The following VTI1A variants were observed in gnomAD, a reference collection of about 807,000 sequenced individuals.
VTI1A encodes the protein vesicle transport through interaction with t-SNAREs 1A.
A neutral mutation model predicts 34.9 loss-of-function variants in VTI1A; 22 were observed. The observed-to-expected ratio is 0.63, with a 90% CI of 0.45 to 0.90. VTI1A has a LOEUF of 0.90. Among genes scored for constraint, VTI1A ranks in the 40% least tolerant of loss-of-function variants. The pLI is 0.00. For missense variants in VTI1A, 268 were observed against 275.6 expected, an observed-to-expected ratio of 0.97 and a Z score of 0.20; for synonymous variants, 87 against 97.3, an observed-to-expected ratio of 0.89 and a Z score of 0.62.
intron 7 of VTI1A, among the ~76,000 whole-genome samples, chr10:112,800,107 T>G (rs1323710328): frequency 6.6e-6 from 1 of 152,166 alleles, no homozygotes; most frequent in African/African-American, 2.4e-5. Context: ...AATAAATGAC[T>G]ATTAAGTGGT....
At chr10:112,753,656 C>A (rs911480735) in intron 7 of VTI1A, among the ~76,000 whole-genome samples, 2 of 152,124 alleles carry the variant, frequency 1.3e-5, no homozygotes, top group African/African-American at 2.4e-5. Context: ...AGAGACTATG[C>A]AAGAGCAAAA....
At chr10:112,743,732 G>C (rs1165266002) in intron 7 of VTI1A, among the ~76,000 whole-genome samples, 1 of 152,150 alleles carries the variant, frequency 6.6e-6, no homozygotes, top group African/African-American at 2.4e-5. Flanking sequence ...AGAAGTTTCT[G>C]CTGTGTCTCC....
At chr10:112,682,798 T>C (rs1018337995) in intron 7 of VTI1A, among the ~76,000 whole-genome samples, 2 of 152,134 alleles carry the variant, frequency 1.3e-5, no homozygotes, top group Non-Finnish European at 2.9e-5. Flanking sequence ...GGGGAATAAA[T>C]ATTGTAGAAT....
intron 5 of VTI1A, among the ~76,000 whole-genome samples, chr10:112,558,986 A>G (rs1851627462): frequency 1.3e-5 from 2 of 152,222 alleles, no homozygotes; most frequent in African/African-American, 4.8e-5. Flanking sequence ...GAAGAAAAAA[A>G]AAGTGTTTCT....
chr10:112,563,500 A>G (rs1024328324), intron 5 of VTI1A, among the ~76,000 whole-genome samples: 1 of 152,182 alleles, frequency 6.6e-6, no homozygotes, highest in African/African-American at 2.4e-5. Context: ...TGTTCTTCCC[A>G]TAGGTCCTCT....
At chr10:112,710,263 A>T (rs948712257) in intron 7 of VTI1A, among the ~76,000 whole-genome samples, 5 of 143,216 alleles carry the variant, frequency 3.5e-5, no homozygotes, top group Non-Finnish European at 1.5e-5. Context: ...GCTGGAGTGC[A>T]TTGGCATGCT....
intron 3 of VTI1A, among the ~76,000 whole-genome samples, chr10:112,513,457 A>C (rs1399794020): frequency 6.6e-6 from 1 of 152,086 alleles, no homozygotes; most frequent in Admixed American, 6.5e-5. Flanking sequence ...AGGGTTTTCT[A>C]TATATAAGGT....
chr10:112,814,377 G>A (rs1255651749), intron 7 of VTI1A, among the ~76,000 whole-genome samples: 1 of 152,228 alleles, frequency 6.6e-6, no homozygotes, highest in Non-Finnish European at 1.5e-5. Flanking sequence ...TTTCCGTGCA[G>A]CTCTGTGAGA....
At chr10:112,752,454 T>A (rs1201604081) in intron 7 of VTI1A, 2 of 985,454 alleles carry the variant, frequency 2.0e-6, no homozygotes, top group South Asian at 9.4e-5. Flanking sequence ...AAAGAATAGC[T>A]TGGAGATTTC....
At chr10:112,712,187 C>T (rs1384450872) in intron 7 of VTI1A, among the ~76,000 whole-genome samples, 2 of 152,162 alleles carry the variant, frequency 1.3e-5, no homozygotes, top group Non-Finnish European at 2.9e-5. Flanking sequence ...TCTTCTCACC[C>T]TTCCTCCCAG....
At chr10:112,839,261 G>A in the VTI1A span, among the ~76,000 whole-genome samples, 8,198 of 152,210 alleles carry the variant, frequency 0.054, 759 homozygotes, top group African/African-American at 0.18. Context: ...CTGACAACCC[G>A]CAAGCAATCG....
At chr10:112,539,515 T>C (rs978632876) in intron 5 of VTI1A, among the ~76,000 whole-genome samples, 5 of 152,230 alleles carry the variant, frequency 3.3e-5, no homozygotes, top group Non-Finnish European at 4.4e-5. Flanking sequence ...ATAGATTGGC[T>C]TTCTGCCCGG....
At chr10:112,813,447 A>G (rs1484490638) in intron 7 of VTI1A, among the ~76,000 whole-genome samples, 1 of 152,166 alleles carries the variant, frequency 6.6e-6, no homozygotes, top group African/African-American at 2.4e-5. Flanking sequence ...CTGAGTTTCA[A>G]TTTTGCTGAT....
intron 1 of VTI1A, among the ~76,000 whole-genome samples, chr10:112,459,212 T>G (rs1847646055): frequency 6.6e-6 from 1 of 152,230 alleles, no homozygotes; most frequent in Non-Finnish European, 1.5e-5. Flanking sequence ...ATTTCAGTTA[T>G]TTCAAGCCAG....
chr10:112,764,504 G>A (rs1851583756), intron 7 of VTI1A, among the ~76,000 whole-genome samples: 1 of 150,804 alleles, frequency 6.6e-6, no homozygotes, highest in South Asian at 2.1e-4. Flanking sequence ...TTTATATAGA[G>A]TGATATACTG....
At chr10:112,850,302 A>T in the VTI1A span, among the ~76,000 whole-genome samples, 1 of 150,222 alleles carries the variant, frequency 6.7e-6, no homozygotes, top group African/African-American at 2.4e-5. Context: ...GCCTGGTGTG[A>T]TGTGGTTTGT....
intron 4 of VTI1A, among the ~76,000 whole-genome samples, chr10:112,528,057 A>ACCT (rs1850298952): frequency 6.6e-6 from 1 of 152,184 alleles, no homozygotes; most frequent in Non-Finnish European, 1.5e-5. Flanking sequence ...TTCAGAAACA[A>ACCT]GACCTGAACA....
At chr10:112,474,349 G>A (rs974856740) in intron 3 of VTI1A, among the ~76,000 whole-genome samples, 7 of 151,968 alleles carry the variant, frequency 4.6e-5, no homozygotes, top group Admixed American at 2.0e-4. Flanking sequence ...CACCACGCCC[G>A]GCAACTATGA....
At chr10:112,736,542 C>T (rs1850479896) in intron 7 of VTI1A, among the ~76,000 whole-genome samples, 1 of 152,030 alleles carries the variant, frequency 6.6e-6, no homozygotes, top group Non-Finnish European at 1.5e-5. Context: ...GGGACAAGCG[C>T]AGAGTTAAGA....
Sources: allele counts gnomAD v4.1 joint callset (sites outside exome capture counted in the v4.1 genomes callset), GRCh38; gene constraint gnomAD v4.1.1; transcripts MANE v1.5; gene names NCBI Gene and HGNC (gene_info 2026-07-23, HGNC 2026-07-21).